The following BRIP1 variants were observed in gnomAD, a reference collection of about 807,000 sequenced individuals.
BRIP1 encodes BRCA1 interacting DNA helicase 1.
A neutral mutation model predicts 119.7 loss-of-function variants in BRIP1; 88 were observed. That is an observed-to-expected ratio of 0.74 (90% confidence interval 0.62 to 0.88). The LOEUF (loss-of-function observed/expected upper bound fraction) is 0.88. Ranked by LOEUF, BRIP1 falls within the 40% of genes least tolerant of loss-of-function variation. The pLI, the probability that BRIP1 is intolerant of heterozygous loss-of-function variation, is 0.00. For missense variants in BRIP1, 1,259 were observed against 1,455.4 expected (o/e 0.87, Z 2.20); for synonymous variants, 443 against 496.5 (o/e 0.89, Z 1.43).
intron 10 of BRIP1, among the ~76,000 whole-genome samples, chr17:61,787,026 ATAAATAAATTTATATAAATT>A (rs1460837687): frequency 3.4e-5 from 4 of 117,290 alleles, no homozygotes; most frequent in East Asian, 2.4e-4. Flanking sequence ...AATTTTATTT[ATAAATAAATTTATATAAATT>A]TATATAAATT....
chr17:61,826,189 G>A (rs987304991), intron 6 of BRIP1, among the ~76,000 whole-genome samples: 7 of 152,130 alleles, frequency 4.6e-5, no homozygotes, highest in South Asian at 2.1e-4. Context: ...GGGATAACTC[G>A]CTAGGCATAT....
chr17:61,793,820 T>C lies in BRIP1; in HGVS notation c.1341-91A>G, dbSNP rs1053768557. 13 of 1,332,914 alleles carry C rather than the reference T, an allele frequency of 9.8e-6. No individual in the cohort carries two copies. The highest frequency in any genetic ancestry group is 1.4e-5 in the South Asian group (1 of 71,424). The allele number at this position is 1,332,914 out of a possible 1,614,324, so 82.6% of individuals were successfully genotyped here. ...AGAGAATCATCATTATTGTCATGCG[T>C]TGATCTGTATATCTTGACATTCTTA... On this transcript the variant is annotated intron_variant, in intron 9 of 19. Transcript: ENST00000259008. The surrounding 1 kb of genome is among the most constrained non-coding windows in gnomAD (Gnocchi z 5.2).
intron 16 of BRIP1, among the ~76,000 whole-genome samples, chr17:61,728,731 G>A (rs2076803773): frequency 6.6e-6 from 1 of 152,176 alleles, no homozygotes; most frequent in South Asian, 2.1e-4. Context: ...GATGATAGCA[G>A]TTATTGGATG....
rs1259027528 is a variant in BRIP1, at chr17:61,700,559, G to C, written c.2493-7047C>G. ...CTGGAGGATGTTTTGTATATGATGA[G>C]TTATTTCTCTCTTGCCGCTTTCTAG... On this transcript the variant is annotated intron_variant, in intron 17 of 19. Transcript: ENST00000259008. The surrounding 1 kb of genome is among the most constrained non-coding windows in gnomAD (Gnocchi z 4.1). 6.6e-6 allele frequency among the ~76,000 whole-genome samples: 1 copy of C among 152,070 alleles called. No homozygotes were observed. The highest frequency in any genetic ancestry group is 1.5e-5 in the Non-Finnish European group (1 of 68,012).
intron 6 of BRIP1, among the ~76,000 whole-genome samples, chr17:61,838,020 C>T (rs2145673144): frequency 6.6e-6 from 1 of 152,152 alleles, no homozygotes; most frequent in South Asian, 2.1e-4. Flanking sequence ...ATGTCAAATT[C>T]AGGGGAAAAC....
chr17:61,829,059 A>G (rs986595348), intron 6 of BRIP1, among the ~76,000 whole-genome samples: 1 of 152,152 alleles, frequency 6.6e-6, no homozygotes, highest in African/African-American at 2.4e-5. Context: ...AAAGGGGAAT[A>G]AAGAAAAGTT....
At chr17:61,790,502 C>T (rs143123629) in intron 10 of BRIP1, among the ~76,000 whole-genome samples, 27 of 152,150 alleles carry the variant, frequency 1.8e-4, no homozygotes, top group African/African-American at 3.4e-4. Flanking sequence ...GCTGAGATCA[C>T]GCCATTGCAC....
chr17:61,836,562 T>A (rs893939564), intron 6 of BRIP1, among the ~76,000 whole-genome samples: 3 of 152,198 alleles, frequency 2.0e-5, no homozygotes, highest in African/African-American at 7.2e-5. Context: ...TTTTTTTCAT[T>A]CATTTATTCA....
In BRIP1 at chr17:61,755,807, TA is replaced by T. The variant is rs2077193151; in HGVS notation, c.2098-11217del. On this transcript the variant is annotated intron_variant, in intron 14 of 19. Transcript: ENST00000259008. The surrounding 1 kb of genome is among the most constrained non-coding windows in gnomAD (Gnocchi z 4.5). ...GAACAATGGAGAGTAAATAGGATACTAAGTCTGAGATACTGCAAGTTACGAG... is the reference window on the plus strand; with the variant it reads ...GAACAATGGAGAGTAAATAGGATACTAGTCTGAGATACTGCAAGTTACGAG... Among the ~76,000 whole-genome samples, 1 of 152,086 alleles carries T rather than the reference TA, an allele frequency of 6.6e-6. No homozygotes were observed. The highest frequency in any genetic ancestry group is 1.5e-5 in the Non-Finnish European group (1 of 68,002).
In BRIP1 at chr17:61,857,597, G is replaced by A. The variant is rs536672266; in HGVS notation, c.206-366C>T. 3.4e-4 allele frequency among the ~76,000 whole-genome samples: 52 copies of A among 152,202 alleles called. No homozygotes were observed. Among genetic ancestry groups the A allele is most frequent in the Non-Finnish European group, 6.2e-4 (42 of 68,002 alleles). On this transcript the variant is annotated intron_variant, in intron 3 of 19. Coordinates refer to ENST00000259008, the MANE Select transcript of BRIP1 (RefSeq NM_032043.3). The surrounding 1 kb of genome is among the most constrained non-coding windows in gnomAD (Gnocchi z 5.1). The stretch of plus-strand genomic sequence containing the variant: ...AAATTAGCCAGGCGTGGTAGTGCAC[G>A]CCTGTAATACCACCTACTCAGGAGG...
chr17:61,718,338 C>T (rs2061915091), intron 16 of BRIP1, among the ~76,000 whole-genome samples: 1 of 152,168 alleles, frequency 6.6e-6, no homozygotes, highest in South Asian at 2.1e-4. Flanking sequence ...ATTTATCCCC[C>T]ATACAAAGGT....
At position 61,681,578 on chromosome 17, in the gene BRIP1, A is replaced by G. The variant is rs1372881310; in HGVS notation, c.*1718T>C. ...ATCTGTGGTTTAAGAATAATACCAGAGGAGATAAATTGTTTCACCCTTTCA... is the reference window on the plus strand; with the variant it reads ...ATCTGTGGTTTAAGAATAATACCAGGGGAGATAAATTGTTTCACCCTTTCA... On this transcript the variant is annotated 3_prime_UTR_variant, in exon 20 of 20. Coordinates refer to ENST00000259008, the MANE Select transcript of BRIP1 (RefSeq NM_032043.3). This position sits in a 1 kb window ranked among gnomAD's most constrained non-coding sequence, Gnocchi z 5.1. The G allele has an allele frequency of 2.0e-5, 4 of 203,712 alleles. No homozygotes were observed. The East Asian group carries it at 3.0e-4, about 15-fold the overall frequency. 12.6% of individuals were successfully genotyped at this position (203,712 alleles called of 1,614,324 possible). A position where few individuals can be genotyped will look rare whatever the true frequency, so the allele number is the denominator to read the frequency against.
chr17:61,746,544 T>G lies in BRIP1; in HGVS notation c.2098-1953A>C, dbSNP rs537318328. Among the ~76,000 whole-genome samples, 4 of 151,662 alleles carry G rather than the reference T, an allele frequency of 2.6e-5. No homozygotes were observed. Among genetic ancestry groups the G allele is most frequent in the Non-Finnish European group, 4.4e-5 (3 of 67,888 alleles). ...CAAAAGACAGCAGAGGTGGCAATTCTAAGATACTAAATAGATTCTAAGTCA... is the reference window on the plus strand; with the variant it reads ...CAAAAGACAGCAGAGGTGGCAATTCGAAGATACTAAATAGATTCTAAGTCA... On this transcript the variant is annotated intron_variant, in intron 14 of 19. Transcript: ENST00000259008. The surrounding 1 kb of genome is among the most constrained non-coding windows in gnomAD (Gnocchi z 4.9).
chr17:61,829,393 TAATA>T (rs2078455599), intron 6 of BRIP1, among the ~76,000 whole-genome samples: 1 of 151,992 alleles, frequency 6.6e-6, no homozygotes, highest in Admixed American at 6.6e-5. Flanking sequence ...TGTATACAGC[TAATA>T]ACAGACCATG....
Position 61,776,125 on chromosome 17 carries a change from T to C in BRIP1, c.2097+276A>G. ...TCGAACTCCTGGGCTCAAGTGATCCTCCCAGCTCAGCCTCCCAACCTGCTG... is the reference window on the plus strand; with the variant it reads ...TCGAACTCCTGGGCTCAAGTGATCCCCCCAGCTCAGCCTCCCAACCTGCTG... On this transcript the variant is annotated intron_variant, in intron 14 of 19. Coordinates refer to ENST00000259008, the MANE Select transcript of BRIP1 (RefSeq NM_032043.3). The surrounding 1 kb of genome is among the most constrained non-coding windows in gnomAD (Gnocchi z 5.0). The C allele has an allele frequency of 2.4e-6, 1 of 410,294 alleles. No homozygotes were observed. The allele number at this position is 410,294 out of a possible 1,614,324, so 25.4% of individuals were successfully genotyped here. A position where few individuals can be genotyped will look rare whatever the true frequency, so the allele number is the denominator to read the frequency against.
chr17:61,840,966 G>A (rs779217740), intron 6 of BRIP1, among the ~76,000 whole-genome samples: 1 of 152,006 alleles, frequency 6.6e-6, no homozygotes, highest in South Asian at 2.1e-4. Flanking sequence ...AACACATATC[G>A]GGGAAAGGAC....
chr17:61,718,612 C>T (rs1179729975), intron 16 of BRIP1, among the ~76,000 whole-genome samples: 1 of 152,214 alleles, frequency 6.6e-6, no homozygotes, highest in South Asian at 2.1e-4. Flanking sequence ...CAAATTCTAG[C>T]TGCCACGGAC....
rs1298345650 is a variant in BRIP1, at chr17:61,743,079, G to A, written c.2313C>T (p.Phe771=). 2 of 1,613,908 alleles carry A rather than the reference G, an allele frequency of 1.2e-6. No individual in the cohort carries two copies. Among genetic ancestry groups the A allele is most frequent in the Admixed American group, 1.7e-5 (1 of 60,016 alleles). ...CRGKVSEGLD[F]SDDNARAVIT... is the part of the protein sequence containing the mutation. ...TGACAGCACGGGCATTGTCATCTGA[G>A]AAATCCAGACCCTCACTCACTTTAC... Residue 771 remains phenylalanine (F), a synonymous_variant, in exon 16 of 20, where the codon TTC becomes TTT. Coordinates refer to ENST00000259008, the MANE Select transcript of BRIP1 (RefSeq NM_032043.3). This position sits in a 1 kb window ranked among gnomAD's most constrained non-coding sequence, Gnocchi z 4.3.
intron 17 of BRIP1, among the ~76,000 whole-genome samples, chr17:61,714,528 T>C (rs1475167988): frequency 6.6e-6 from 1 of 152,210 alleles, no homozygotes; most frequent in Non-Finnish European, 1.5e-5. Context: ...CCTATATGTG[T>C]AGTAGACTAT....
Sources: allele counts gnomAD v4.1 joint callset (sites outside exome capture counted in the v4.1 genomes callset), GRCh38; gene constraint gnomAD v4.1.1; non-coding constraint Gnocchi (gnomAD v3.1); transcripts MANE v1.5; gene names NCBI Gene and HGNC (gene_info 2026-07-23, HGNC 2026-07-21).